Variants in SASH1 observed in about 807,000 individuals in gnomAD.
SASH1 encodes the protein SAM and SH3 domain containing 1.
In SASH1, 44 loss-of-function variants were observed where a neutral mutation model predicts 125.2. The observed-to-expected ratio is 0.35, with a 90% confidence interval of 0.28 to 0.45. The LOEUF (loss-of-function observed/expected upper bound fraction) is 0.45, where lower values mean the gene tolerates loss of function less well. SASH1 is among the 20% of genes least tolerant of loss of function. The probability of loss-of-function intolerance (pLI) is 1.00; values close to 1 mark genes in which losing one functional copy is unlikely to be tolerated. For synonymous variants in SASH1, 639 were observed against 649.1 expected (o/e 0.98, Z 0.24); for missense variants, 1,426 against 1,614.5 (o/e 0.88, Z 2.00).
rs935543903 is a variant in SASH1 at position 148,514,231 on chromosome 6, G to A, written c.730-93G>A. The stretch of plus-strand genomic sequence containing the variant: ...CAAGTTCAGCAACAGAGCTGCCGAG[G>A]TTCAGACTGGCAGCAAGGCCGGCTA... On this transcript the variant is annotated intron_variant, in intron 8 of 19. Coordinates refer to ENST00000367467, the MANE Select transcript of SASH1 (RefSeq NM_015278.5). 5.9e-6 allele frequency: 9 copies of A among 1,518,778 alleles called. No individual in the cohort carries two copies. In the African/African-American group the frequency reaches 1.1e-4, roughly 19 times the overall value. 94.1% of individuals were successfully genotyped at this position (1,518,778 alleles called of 1,614,324 possible).
chr6:148,217,882 G>A, the SASH1 span, among the ~76,000 whole-genome samples: 1 of 151,570 alleles, frequency 6.6e-6, no homozygotes, highest in Non-Finnish European at 1.5e-5. Flanking sequence ...GGGTGTGGTG[G>A]TGTGTGTCTG....
intron 2 of SASH1, among the ~76,000 whole-genome samples, chr6:148,407,397 C>T (rs12205284): frequency 0.57 from 86,326 of 151,944 alleles, 25,089 homozygotes; most frequent in South Asian, 0.68. Context: ...TGTCTTGTAG[C>T]ATGTGTCAGA....
intron 1 of SASH1, among the ~76,000 whole-genome samples, chr6:148,278,377 A>AT (rs34815761): frequency 1.3e-4 from 19 of 150,226 alleles, no homozygotes; most frequent in South Asian, 4.2e-4. Context: ...CTTGGTCTCC[A>AT]TTTTTTTTTC....
At chr6:148,247,924 T>A in the SASH1 span, among the ~76,000 whole-genome samples, 2 of 152,234 alleles carry the variant, frequency 1.3e-5, no homozygotes, top group Non-Finnish European at 2.9e-5. Flanking sequence ...GAGTATACCA[T>A]CTGTTCTGAG....
At chr6:148,493,793 G>A (rs1283398496) in intron 8 of SASH1, among the ~76,000 whole-genome samples, 1 of 152,168 alleles carries the variant, frequency 6.6e-6, no homozygotes, top group Non-Finnish European at 1.5e-5. Flanking sequence ...GTTTTGTGCT[G>A]TTTTCCATTA....
At chr6:148,380,712 C>T (rs1178942454) in intron 1 of SASH1, among the ~76,000 whole-genome samples, 2 of 152,156 alleles carry the variant, frequency 1.3e-5, no homozygotes, top group Non-Finnish European at 2.9e-5. Context: ...TTTTCAAGTT[C>T]TTAGGGTTTT....
At chr6:148,399,124 G>A (rs1260083622) in intron 2 of SASH1, among the ~76,000 whole-genome samples, 3 of 151,958 alleles carry the variant, frequency 2.0e-5, no homozygotes, top group Non-Finnish European at 2.9e-5. Context: ...GTGCACTTGC[G>A]GAAACCACCG....
the SASH1 span, among the ~76,000 whole-genome samples, chr6:148,224,364 AG>A: frequency 6.9e-6 from 1 of 145,454 alleles, no homozygotes; most frequent in Non-Finnish European, 1.5e-5. Context: ...GCTTCCCCCC[AG>A]CCTTTTTTTT....
At chr6:148,384,961 G>C (rs1237277498) in intron 1 of SASH1, among the ~76,000 whole-genome samples, 3 of 152,126 alleles carry the variant, frequency 2.0e-5, no homozygotes, top group Non-Finnish European at 1.5e-5. Flanking sequence ...TCAGGTAGTT[G>C]GTTGGTTTCA....
the SASH1 span, among the ~76,000 whole-genome samples, chr6:148,256,284 A>G: frequency 6.6e-6 from 1 of 152,228 alleles, no homozygotes; most frequent in Admixed American, 6.5e-5. Flanking sequence ...TTTCAAGTAG[A>G]TCAGTTTTAG....
intron 19 of SASH1, among the ~76,000 whole-genome samples, chr6:148,547,488 G>C (rs899071710): frequency 2.6e-5 from 4 of 152,164 alleles, no homozygotes; most frequent in Admixed American, 2.0e-4. Flanking sequence ...AAGCAGGGGG[G>C]TGGCTATTGT....
chr6:148,366,790 G>C (rs930787949), intron 1 of SASH1, among the ~76,000 whole-genome samples: 1 of 151,984 alleles, frequency 6.6e-6, no homozygotes, highest in Non-Finnish European at 1.5e-5. Context: ...CAGAGACGGG[G>C]TTTCACCGTA....
the SASH1 span, among the ~76,000 whole-genome samples, chr6:148,220,408 A>C: frequency 6.6e-6 from 1 of 152,212 alleles, no homozygotes; most frequent in East Asian, 1.9e-4. Context: ...GGGTGGACTT[A>C]ATCATCCATG....
At chr6:148,442,930 T>C (rs1444048305) in intron 4 of SASH1, among the ~76,000 whole-genome samples, 1 of 151,882 alleles carries the variant, frequency 6.6e-6, no homozygotes, top group African/African-American at 2.4e-5. Flanking sequence ...CCCGCCACCA[T>C]ACCCGGCTAC....
In SASH1 at chr6:148,349,782, C is replaced by T. The variant is rs1222180461; in HGVS notation, c.156+6559C>T. ...ACTTTCTTTTGATAATTCTTTTATGCTCAAGAGTGGGCTGAGTTAATGCAA... is the reference window on the plus strand; with the variant it reads ...ACTTTCTTTTGATAATTCTTTTATGTTCAAGAGTGGGCTGAGTTAATGCAA... On this transcript the variant is annotated intron_variant, in intron 1 of 19. Coordinates refer to ENST00000367467, the MANE Select transcript of SASH1 (RefSeq NM_015278.5). 2.0e-5 allele frequency among the ~76,000 whole-genome samples: 3 copies of T among 152,038 alleles called. No individual in the cohort carries two copies. In the South Asian group the frequency reaches 6.2e-4, roughly 32 times the overall value.
intron 1 of SASH1, among the ~76,000 whole-genome samples, chr6:148,318,601 G>A (rs1215192731): frequency 6.8e-6 from 1 of 146,376 alleles, no homozygotes; most frequent in Admixed American, 7.0e-5. Flanking sequence ...CGCCGAGGCT[G>A]GAGTGCAATG....
At chr6:148,535,911 G>T (rs978467768) in intron 16 of SASH1, among the ~76,000 whole-genome samples, 4 of 152,174 alleles carry the variant, frequency 2.6e-5, no homozygotes, top group African/African-American at 9.7e-5. Context: ...TTACTGAAAT[G>T]TATCAGGCCT....
intron 1 of SASH1, among the ~76,000 whole-genome samples, chr6:148,316,242 C>T (rs1214892828): frequency 2.0e-5 from 3 of 152,144 alleles, no homozygotes; most frequent in Non-Finnish European, 4.4e-5. Flanking sequence ...GCAGCTTCCA[C>T]GTTCTTCCCT....
intron 1 of SASH1, among the ~76,000 whole-genome samples, chr6:148,298,719 A>G (rs1582932359): frequency 1.2e-5 from 1 of 86,368 alleles, no homozygotes; most frequent in Non-Finnish European, 2.2e-5. Context: ...GGAAGAAGGA[A>G]GGGAAAGGAG....
Sources: gnomAD v4.1 joint callset for allele counts (sites outside exome capture counted in the v4.1 genomes callset) on GRCh38, gnomAD v4.1.1 for gene constraint, MANE v1.5 for transcripts, NCBI Gene and HGNC (gene_info 2026-07-23, HGNC 2026-07-21) for gene names.